GNAS: variants seen among roughly 807,000 people sequenced by gnomAD.
GNAS encodes protein ALEX.
In GNAS, 8 loss-of-function variants were observed where a neutral mutation model predicts 54.5. That is an observed-to-expected ratio of 0.15 (90% CI 0.09 to 0.26). The LOEUF (loss-of-function observed/expected upper bound fraction) is 0.26. Among genes scored for constraint, GNAS ranks in the 10% least tolerant of loss-of-function variants. The probability of loss-of-function intolerance (pLI) is 1.00; values close to 1 mark genes in which losing one functional copy is unlikely to be tolerated. For missense variants in GNAS, 170 were observed against 529.8 expected, an observed-to-expected ratio of 0.32 and a Z score of 6.67; for synonymous variants, 204 against 191.4, an observed-to-expected ratio of 1.07 and a Z score of -0.54.
At chr20:58,890,960 C>A (rs547618535), upstream of GNAS, among the ~76,000 whole-genome samples, 4 of 151,672 alleles carry the variant, frequency 2.6e-5, no homozygotes, top group South Asian at 6.2e-4. Context: ...CCCTCCCCTT[C>A]CGCCCACCCC....
At chr20:58,866,446 C>T (rs2087071949) in intron 1 of GNAS, among the ~76,000 whole-genome samples, 1 of 152,208 alleles carries the variant, frequency 6.6e-6, no homozygotes, top group East Asian at 1.9e-4. Flanking sequence ...ACACCCCCTT[C>T]TCCATCCTAG....
chr20:58,903,959 G>A (rs878995362), intron 5 of GNAS, among the ~76,000 whole-genome samples, 168 bp downstream of exon 5: 1 of 152,184 alleles, frequency 6.6e-6, no homozygotes, highest in South Asian at 2.1e-4. Context: ...AATTTCATGT[G>A]TAACCTTAAT....
chr20:58,854,333 G>A, intron 1 of GNAS: 1 of 1,591,762 alleles, frequency 6.3e-7, no homozygotes, highest in South Asian at 1.1e-5. Context: ...CAGTTGAGGA[G>A]GAAGCAGCAG....
rs530682365 is a variant in GNAS at position 58,853,362 on chromosome 20, G to T, written c.43+12476G>T. The stretch of plus-strand genomic sequence containing the variant: ...ACAGCCCGAGCAACCACCTTTGGAG[G>T]CCCCAGGGGCAGCTGCCCCCGGTGC... On this transcript the variant is annotated intron_variant, in intron 1 of 12. Coordinates refer to the GNAS transcript ENST00000306090. The surrounding 1 kb of genome is among the most constrained non-coding windows in gnomAD (Gnocchi z 4.4). 4 of 1,552,940 alleles carry T rather than the reference G, an allele frequency of 2.6e-6. No individual in the cohort carries two copies. Among genetic ancestry groups the T allele is most frequent in the South Asian group, 2.4e-5 (2 of 84,424 alleles).
chr20:58,840,694 C>G (rs758925149), upstream of GNAS: 5 of 1,603,872 alleles, frequency 3.1e-6, no homozygotes, highest in Non-Finnish European at 4.2e-6. This position sits in a 1 kb window ranked among gnomAD's most constrained non-coding sequence, Gnocchi z 6.0. Context: ...AGCTCAAGCC[C>G]GAGGACAAAG....
At chr20:58,895,913 C>G (rs1402716076) in intron 2 of GNAS, among the ~76,000 whole-genome samples, 3 of 152,038 alleles carry the variant, frequency 2.0e-5, no homozygotes, top group Non-Finnish European at 4.4e-5. Flanking sequence ...GTGTTTGTGA[C>G]AAACATCTCC....
At chr20:58,899,760 ACT>A (rs755140372) in intron 3 of GNAS, among the ~76,000 whole-genome samples, 2 of 151,546 alleles carry the variant, frequency 1.3e-5, no homozygotes, top group Non-Finnish European at 2.9e-5. Flanking sequence ...CCAGGTAACC[ACT>A]CTAGCTCTGC....
intron 1 of GNAS, chr20:58,864,196 C>T (rs940026278): frequency 6.6e-6 from 1 of 152,100 alleles, no homozygotes; most frequent in Non-Finnish European, 1.5e-5. Context: ...TTACTGAGAC[C>T]ACTTGAACAC....
At chr20:58,887,859 G>A (rs981155658), upstream of GNAS, among the ~76,000 whole-genome samples, 1 of 152,184 alleles carries the variant, frequency 6.6e-6, no homozygotes, top group Non-Finnish European at 1.5e-5. Flanking sequence ...GGGGGCAGCA[G>A]TGTACCTGAA....
chr20:58,910,409 G>A lies in GNAS; in HGVS notation c.1038+8G>A, dbSNP rs532524797. 5 of 1,602,770 alleles carry A rather than the reference G, an allele frequency of 3.1e-6. No homozygotes were observed. Among genetic ancestry groups the A allele is most frequent in the African/African-American group, 2.7e-5 (2 of 74,626 alleles). On this transcript the variant is annotated splice_region_variant and intron_variant, in intron 12 of 12. Coordinates refer to ENST00000371085, the MANE Select transcript of GNAS (RefSeq NM_000516.7). The surrounding 1 kb of genome is among the most constrained non-coding windows in gnomAD (Gnocchi z 5.8). ...ATTCGAGATGAGTTTCTGGTGAGTC[G>A]AGCCTGTCTTTAGTTTCCTCTCTTG...
intron 1 of GNAS, chr20:58,892,151 C>G (rs183744728): frequency 2.1e-6 from 2 of 961,644 alleles, no homozygotes; most frequent in Non-Finnish European, 2.5e-6. Flanking sequence ...CTCTCGCTCT[C>G]CCCCTCTTTC....
At chr20:58,890,793 G>A (rs2089143316), upstream of GNAS, 1 of 152,340 alleles carries the variant, frequency 6.6e-6, no homozygotes, top group Non-Finnish European at 1.5e-5. Flanking sequence ...GTGTAGTGTG[G>A]GTTTTTATTC....
At chr20:58,884,047 A>C (rs1029794087) in intron 1 of GNAS, among the ~76,000 whole-genome samples, 1 of 152,258 alleles carries the variant, frequency 6.6e-6, no homozygotes, top group Non-Finnish European at 1.5e-5. Context: ...TACCAACAGC[A>C]GATGGAAGTG....
At position 58,840,924 on chromosome 20, in the gene GNAS, G is replaced by T; in HGVS notation, c.43+38G>T. 1 of 1,606,950 alleles carries T rather than the reference G, an allele frequency of 6.2e-7. No homozygotes were observed. The highest frequency in any genetic ancestry group is 8.5e-7 in the Non-Finnish European group (1 of 1,176,504). ...CCGCTAAACTGGGGAGCCTGAGGGC[G>T]GTGTGGGAGCAGCGCAGGTGGAAAG... On this transcript the variant is annotated intron_variant, in intron 1 of 12. Transcript: ENST00000306090. This position sits in a 1 kb window ranked among gnomAD's most constrained non-coding sequence, Gnocchi z 6.0.
intron 1 of GNAS, among the ~76,000 whole-genome samples, chr20:58,875,178 GT>G (rs1245176298): frequency 6.6e-6 from 1 of 152,168 alleles, no homozygotes; most frequent in African/African-American, 2.4e-5. Flanking sequence ...GAATTATTAA[GT>G]TGTGGCTTCT....
At chr20:58,890,169 A>G (rs1461894703), upstream of GNAS, among the ~76,000 whole-genome samples, 1 of 151,610 alleles carries the variant, frequency 6.6e-6, no homozygotes, top group Non-Finnish European at 1.5e-5. Context: ...GAAGAAGGAG[A>G]AGGAGAGGAA....
In GNAS at chr20:58,840,924, G is replaced by A. The variant is rs1040085351; in HGVS notation, c.43+38G>A. ...CCGCTAAACTGGGGAGCCTGAGGGC[G>A]GTGTGGGAGCAGCGCAGGTGGAAAG... On this transcript the variant is annotated intron_variant, in intron 1 of 12. Transcript: ENST00000306090. The surrounding 1 kb of genome is among the most constrained non-coding windows in gnomAD (Gnocchi z 6.0). 6.2e-7 allele frequency: 1 copy of A among 1,606,956 alleles called. No homozygotes were observed. Among genetic ancestry groups the A allele is most frequent in the South Asian group, 1.1e-5 (1 of 90,348 alleles).
chr20:58,885,701 G>A (rs552750360), intron 1 of GNAS, among the ~76,000 whole-genome samples: 7 of 152,294 alleles, frequency 4.6e-5, no homozygotes, highest in African/African-American at 1.2e-4. Flanking sequence ...TTCTTACAAG[G>A]ATTAACTGAG....
chr20:58,840,975 G>A lies in GNAS; in HGVS notation c.43+89G>A. ...GAGGTGAGAAGGAAAGGCAGGTCAGGGGCGAGTGGGAAGAGAGGAGGCTCA... is the reference window on the plus strand; with the variant it reads ...GAGGTGAGAAGGAAAGGCAGGTCAGAGGCGAGTGGGAAGAGAGGAGGCTCA... On this transcript the variant is annotated intron_variant, in intron 1 of 12. Coordinates refer to the GNAS transcript ENST00000306090. This position sits in a 1 kb window ranked among gnomAD's most constrained non-coding sequence, Gnocchi z 6.0. 8 of 1,388,588 alleles carry A rather than the reference G, an allele frequency of 5.8e-6. No individual in the cohort carries two copies. The highest frequency in any genetic ancestry group is 7.0e-6 in the Non-Finnish European group (7 of 999,108). The allele number at this position is 1,388,588 out of a possible 1,614,324, so 86.0% of individuals were successfully genotyped here.
Sources: gnomAD v4.1 joint callset for allele counts (sites outside exome capture counted in the v4.1 genomes callset) on GRCh38, gnomAD v4.1.1 for gene constraint, Gnocchi (gnomAD v3.1) non-coding constraint, MANE v1.5 for transcripts, NCBI Gene and HGNC (gene_info 2026-07-23, HGNC 2026-07-21) for gene names.